Variants in LCOR observed in about 807,000 individuals in gnomAD.
LCOR encodes ligand dependent nuclear receptor corepressor.
In LCOR, 14 loss-of-function variants were observed where a neutral mutation model predicts 64.4. The ratio of observed to expected loss-of-function variants is 0.22; its 90% confidence interval spans 0.14 to 0.34. LCOR has a LOEUF of 0.34. Among genes scored for constraint, LCOR ranks in the 10% least tolerant of loss-of-function variants. LCOR has a pLI of 1.00. For synonymous variants in LCOR, 643 were observed against 642.5 expected (o/e 1.00, Z -0.01); for missense variants, 1,686 against 1,765.3 (o/e 0.96, Z 0.80).
intron 2 of LCOR, among the ~76,000 whole-genome samples, chr10:96,902,622 A>G (rs567819764): frequency 3.3e-5 from 5 of 152,332 alleles, no homozygotes; most frequent in Non-Finnish European, 5.9e-5. Context: ...TATTACCACA[A>G]TTACTATTGC....
intron 4 of LCOR, among the ~76,000 whole-genome samples, chr10:96,943,606 C>T (rs1305362539): frequency 6.6e-6 from 1 of 152,136 alleles, no homozygotes; most frequent in African/African-American, 2.4e-5. Flanking sequence ...ATTGTGAATT[C>T]AGATGTATTC....
At position 96,984,271 on chromosome 10, in the gene LCOR, G is replaced by C. The variant is rs1848124697; in HGVS notation, c.3811G>C (p.Glu1271Gln). 6.2e-7 allele frequency: 1 copy of C among 1,614,060 alleles called. No individual in the cohort carries two copies. Among genetic ancestry groups the C allele is most frequent in the South Asian group, 1.1e-5 (1 of 91,090 alleles). Residue 1271 changes from glutamate (E) to glutamine (Q), a missense_variant, in exon 8 of 8, where the codon GAA (glutamate) becomes CAA (glutamine). This residue lies in a region of LCOR where 1,293 missense variants were observed against 1,410.4 expected (regional missense o/e 0.92). Transcript: ENST00000421806. Reference sequence around the variant, plus strand: ...AGAGAATCCTGATCAAGTGGAGCCAGAAGATGGCAGTGATGTCAGCCCCGG... The same window carrying C: ...AGAGAATCCTGATCAAGTGGAGCCACAAGATGGCAGTGATGTCAGCCCCGG... ...FRENPDQVEP[E>Q]DGSDVSPGPN...
At chr10:96,928,526 C>T (rs571184783) in intron 4 of LCOR, among the ~76,000 whole-genome samples, 1 of 152,278 alleles carries the variant, frequency 6.6e-6, no homozygotes, top group East Asian at 1.9e-4. Context: ...GTTCTCTTAC[C>T]ATTTCCACCA....
intron 6 of LCOR, among the ~76,000 whole-genome samples, chr10:96,949,611 A>T (rs1383945935): frequency 6.6e-6 from 1 of 152,030 alleles, no homozygotes; most frequent in Non-Finnish European, 1.5e-5. Context: ...GTTTTTTAAA[A>T]CTCCTATGAA....
chr10:96,870,171 C>T (rs990128554), intron 2 of LCOR, among the ~76,000 whole-genome samples: 8 of 151,962 alleles, frequency 5.3e-5, no homozygotes, highest in Non-Finnish European at 8.8e-5. Flanking sequence ...TACAGGCGCC[C>T]GCCACCACGC....
chr10:96,847,361 A>G (rs1472812604), intron 2 of LCOR, among the ~76,000 whole-genome samples: 2 of 151,912 alleles, frequency 1.3e-5, no homozygotes, highest in Admixed American at 6.6e-5. Context: ...AAAAAAAAAA[A>G]AAGCACACGG....
intron 2 of LCOR, among the ~76,000 whole-genome samples, chr10:96,854,763 T>A (rs1377802082): frequency 6.6e-6 from 1 of 152,208 alleles, no homozygotes; most frequent in Non-Finnish European, 1.5e-5. Flanking sequence ...AGAAAAATAA[T>A]TCACAGATGT....
At chr10:96,832,520 G>C (rs1353545631) in intron 1 of LCOR, 121 bp downstream of exon 1, 2 of 220,480 alleles carry the variant, frequency 9.1e-6, no homozygotes, top group Non-Finnish European at 1.5e-5. Context: ...TCTTTGGCTC[G>C]AGCGTCCCCC....
At chr10:96,839,574 T>A in intron 2 of LCOR, among the ~76,000 whole-genome samples, 1 of 152,232 alleles carries the variant, frequency 6.6e-6, no homozygotes, top group East Asian at 1.9e-4. Context: ...TTAGTGAGAA[T>A]TTGGGTAGTG....
intron 2 of LCOR, among the ~76,000 whole-genome samples, chr10:96,887,681 C>CTT (rs369996836): frequency 2.1e-5 from 3 of 143,944 alleles, no homozygotes; most frequent in Non-Finnish European, 1.5e-5. Flanking sequence ...AAACTAGCTA[C>CTT]TTTTTTTTTT....
At position 96,985,670 on chromosome 10, in the gene LCOR, T is replaced by C. The variant is rs2134568327; in HGVS notation, c.*536T>C. On this transcript the variant is annotated 3_prime_UTR_variant, in exon 8 of 8. Coordinates refer to ENST00000421806, the MANE Select transcript of LCOR (RefSeq NM_001346516.2). ...GATGTTTGAAAGCTAAACCAAATCA[T>C]TTTATGGTATGCAGAGGATTTATAA... 1 of 166,908 alleles carries C rather than the reference T, an allele frequency of 6.0e-6. No homozygotes were observed. The highest frequency in any genetic ancestry group is 2.4e-5 in the African/African-American group (1 of 41,578). 10.3% of individuals were successfully genotyped at this position (166,908 alleles called of 1,614,324 possible).
At chr10:96,928,580 G>A (rs1269072147) in intron 4 of LCOR, among the ~76,000 whole-genome samples, 2 of 152,016 alleles carry the variant, frequency 1.3e-5, no homozygotes, top group African/African-American at 4.8e-5. Flanking sequence ...ACTTCTCCAA[G>A]TCATCTGTGA....
chr10:96,965,661 C>CAAAA (rs755222216), intron 7 of LCOR, among the ~76,000 whole-genome samples: 9 of 65,306 alleles, frequency 1.4e-4, no homozygotes, highest in East Asian at 4.1e-4. Flanking sequence ...GACTCTGTCT[C>CAAAA]AAAAAAAAAA....
At chr10:96,885,553 A>AT (rs144687202) in intron 2 of LCOR, among the ~76,000 whole-genome samples, 2,520 of 117,728 alleles carry the variant, frequency 0.021, 40 homozygotes, top group African/African-American at 0.039. Flanking sequence ...GGCTAATTGA[A>AT]TTTTTTTTTT....
At chr10:96,906,088 A>G (rs1337837290) in intron 2 of LCOR, among the ~76,000 whole-genome samples, 2 of 152,142 alleles carry the variant, frequency 1.3e-5, no homozygotes, top group Admixed American at 1.3e-4. Context: ...CCGGCAGGAT[A>G]TAGTATTTTA....
intron 7 of LCOR, chr10:96,962,707 C>T (rs565065740): frequency 6.6e-6 from 1 of 152,066 alleles, no homozygotes; most frequent in East Asian, 1.9e-4. Context: ...TTATCTGACT[C>T]CCACATGTTG....
intron 4 of LCOR, 45 bp downstream of exon 4, chr10:96,907,792 A>G: frequency 1.6e-6 from 1 of 632,830 alleles, no homozygotes; most frequent in Non-Finnish European, 2.0e-6. Context: ...TAGTATTTTA[A>G]AGTTTTCATC....
chr10:96,947,737 C>CT (rs942356455), intron 5 of LCOR, among the ~76,000 whole-genome samples: 45 of 145,230 alleles, frequency 3.1e-4, no homozygotes, highest in South Asian at 8.7e-4. Context: ...TCACATTTCC[C>CT]TTTTTTTTTT....
At chr10:96,909,796 A>G (rs1846796844) in intron 4 of LCOR, among the ~76,000 whole-genome samples, 1 of 152,228 alleles carries the variant, frequency 6.6e-6, no homozygotes, top group Non-Finnish European at 1.5e-5. Context: ...ATCTGGCTCC[A>G]AAAAGAGAGA....
Sources: allele counts gnomAD v4.1 joint callset (sites outside exome capture counted in the v4.1 genomes callset), GRCh38; gene constraint gnomAD v4.1.1; regional missense constraint gnomAD v4.1.1; transcripts MANE v1.5; gene names NCBI Gene and HGNC (gene_info 2026-07-23, HGNC 2026-07-21).